Variants in ETV1 observed in about 807,000 individuals in gnomAD.
ETV1 encodes ETS translocation variant 1.
In ETV1, 27 loss-of-function variants were observed where a neutral mutation model predicts 62.3. The observed-to-expected ratio is 0.43, with a 90% CI of 0.32 to 0.60. The LOEUF (loss-of-function observed/expected upper bound fraction) is 0.60. Ranked by LOEUF, ETV1 falls within the 20% of genes least tolerant of loss-of-function variation. The pLI is 0.06. For synonymous variants in ETV1, 222 were observed against 199.6 expected (o/e 1.11, Z -0.94); for missense variants, 605 against 605.8 (o/e 1.00, Z 0.01).
intron 9 of ETV1, among the ~76,000 whole-genome samples, chr7:13,925,442 C>T (rs1785297220): frequency 6.6e-6 from 1 of 152,202 alleles, no homozygotes; most frequent in African/African-American, 2.4e-5. Flanking sequence ...CAGTACTAGA[C>T]ACAAACCAAT....
chr7:13,916,512 C>T (rs1380731042), intron 9 of ETV1, among the ~76,000 whole-genome samples: 1 of 151,994 alleles, frequency 6.6e-6, no homozygotes, highest in Non-Finnish European at 1.5e-5. Flanking sequence ...GTGGCGCGTG[C>T]CTGTCATCCC....
intron 6 of ETV1, among the ~76,000 whole-genome samples, chr7:13,940,813 A>C (rs1787416639): frequency 6.6e-6 from 1 of 152,196 alleles, no homozygotes; most frequent in South Asian, 2.1e-4. Context: ...CAAACTACCA[A>C]GCTTCAGGAA....
chr7:13,934,402 A>G (rs937551956), intron 8 of ETV1, among the ~76,000 whole-genome samples: 1 of 152,206 alleles, frequency 6.6e-6, no homozygotes, highest in Non-Finnish European at 1.5e-5. Flanking sequence ...AAAAACCTAT[A>G]AAAAGCACAT....
chr7:13,984,562 A>C (rs1186087854), intron 5 of ETV1, among the ~76,000 whole-genome samples: 1 of 152,052 alleles, frequency 6.6e-6, no homozygotes, highest in Non-Finnish European at 1.5e-5. Context: ...ACAACTTTTT[A>C]CTTACATCGT....
At chr7:13,904,826 T>A (rs1391395884) in intron 12 of ETV1, among the ~76,000 whole-genome samples, 2 of 151,834 alleles carry the variant, frequency 1.3e-5, no homozygotes, top group African/African-American at 4.8e-5. Context: ...CTAGTCTCAA[T>A]TTGTTAGTGC....
chr7:13,909,867 A>G (rs1361851832), intron 10 of ETV1, among the ~76,000 whole-genome samples, 167 bp from the exon 11 acceptor site: 2 of 152,146 alleles, frequency 1.3e-5, no homozygotes, highest in East Asian at 1.9e-4. Flanking sequence ...CAGTTTCCTC[A>G]TCTATTAAAT....
rs1786753878 is a variant in ETV1 at position 13,935,871 on chromosome 7, C to T, written c.391G>A (p.Gly131Arg). 6.2e-7 allele frequency: 1 copy of T among 1,613,438 alleles called. No homozygotes were observed. The highest frequency in any genetic ancestry group is 8.5e-7 in the Non-Finnish European group (1 of 1,179,652). ...VSAYDQKPQV[G>R]MRPSNPPTPS... ...GTGGGGGGGTTGGAGGGCCTCATTCCCACTTGTGGCTTCTGATCATAGGCA... is the reference window on the plus strand; with the variant it reads ...GTGGGGGGGTTGGAGGGCCTCATTCTCACTTGTGGCTTCTGATCATAGGCA... Residue 131 changes from glycine (G) to arginine (R), a missense_variant, in exon 8 of 14, where the codon GGA becomes AGA. This residue lies in a region of ETV1 where 426 missense variants were observed against 377.8 expected (regional missense o/e 1.13). Transcript: ENST00000430479.
At chr7:13,957,477 G>C (rs948866717) in intron 6 of ETV1, among the ~76,000 whole-genome samples, 5 of 152,150 alleles carry the variant, frequency 3.3e-5, no homozygotes, top group African/African-American at 1.2e-4. Context: ...CAATTATAGG[G>C]ATAATCATTT....
rs749912285 is a variant in ETV1, at chr7:13,988,081, C to G, written c.133+5G>C. The G allele has an allele frequency of 1.9e-6, 3 of 1,596,498 alleles. No individual in the cohort carries two copies. The highest frequency in any genetic ancestry group is 2.6e-6 in the Non-Finnish European group (3 of 1,164,190). ...ATGGGGATTCAGCCCAAAATCAAAC[C>G]TCACCTTCTGAATCATGAGCCAGAT... On this transcript the variant is annotated splice_donor_5th_base_variant and intron_variant, in intron 4 of 13. Coordinates refer to ENST00000430479, the MANE Select transcript of ETV1 (RefSeq NM_004956.5).
chr7:13,952,333 A>C (rs1159842727), intron 6 of ETV1, among the ~76,000 whole-genome samples: 1 of 152,200 alleles, frequency 6.6e-6, no homozygotes, highest in Non-Finnish European at 1.5e-5. Context: ...TACTGATGTA[A>C]GAGAGAAGAG....
Position 13,962,009 on chromosome 7 carries a change from A to C in ETV1, c.235+15418T>G, listed in dbSNP as rs1241595686. ...TTTATGAGTATGAAGAAAAACACAAAAAGTTAAGTTGATCAGAAATGAATG... is the reference window on the plus strand; with the variant it reads ...TTTATGAGTATGAAGAAAAACACAACAAGTTAAGTTGATCAGAAATGAATG... On this transcript the variant is annotated intron_variant, in intron 6 of 13. Coordinates refer to ENST00000430479, the MANE Select transcript of ETV1 (RefSeq NM_004956.5). Among the ~76,000 whole-genome samples, 7 of 152,084 alleles carry C rather than the reference A, an allele frequency of 4.6e-5. 1 individual carries two copies. The South Asian group carries it at 1.4e-3, about 31-fold the overall frequency.
Position 13,892,507 on chromosome 7 carries a change from G to T in ETV1, c.*3359C>A, listed in dbSNP as rs1781450125. On this transcript the variant is annotated 3_prime_UTR_variant, in exon 14 of 14. Coordinates refer to ENST00000430479, the MANE Select transcript of ETV1 (RefSeq NM_004956.5). ...CCTGAGTAAATCAATTAGAGTCTTT[G>T]CTACACAGTCTTCCTCCTCCGTGCG... The T allele has an allele frequency of 4.3e-6, 1 of 232,818 alleles. No individual in the cohort carries two copies. Among genetic ancestry groups the T allele is most frequent in the Admixed American group, 5.6e-5 (1 of 17,750 alleles). The allele number at this position is 232,818 out of a possible 1,614,324, so 14.4% of individuals were successfully genotyped here. A position where few individuals can be genotyped will look rare whatever the true frequency, so the allele number is the denominator to read the frequency against.
In ETV1 at chr7:13,895,940, C is replaced by G. The variant is rs770880512; in HGVS notation, c.1360G>C (p.Asp454His). 2 of 1,613,644 alleles carry G rather than the reference C, an allele frequency of 1.2e-6. No individual in the cohort carries two copies. The highest frequency in any genetic ancestry group is 2.7e-5 in the African/African-American group (2 of 74,926). ...EEDTVPLSHF[D>H]ESMAYMPEGG... is the part of the protein sequence containing the mutation. ...TCCGGCATGTAGGCCATGCTCTCAT[C>G]AAAGTGAGAAAGAGGCACTGTGTCC... Residue 454 changes from aspartate to histidine, a missense_variant, in exon 14 of 14, where the codon GAT (aspartate) becomes CAT (histidine). Physicochemically the swap from Asp to His is moderately conservative, Grantham distance 81 (BLOSUM62 -1). Coordinates refer to ENST00000430479, the MANE Select transcript of ETV1 (RefSeq NM_004956.5).
intron 13 of ETV1, 110 bp downstream of exon 13, chr7:13,900,628 A>G: frequency 1.4e-6 from 1 of 728,206 alleles, no homozygotes. Context: ...ATTTGTTAAA[A>G]TGAGTGAAAA....
chr7:13,911,029 T>A (rs1783503529), intron 10 of ETV1, among the ~76,000 whole-genome samples: 1 of 152,216 alleles, frequency 6.6e-6, no homozygotes, highest in South Asian at 2.1e-4. Flanking sequence ...CACTTTTCAG[T>A]TGTTTCTACG....
upstream of ETV1, chr7:13,990,838 T>C (rs1398904662): frequency 6.6e-6 from 1 of 152,202 alleles, no homozygotes; most frequent in Non-Finnish European, 1.5e-5. Flanking sequence ...CAAAAGACGT[T>C]TCCGGCAGCT....
chr7:13,990,948 G>C (rs3757487), upstream of ETV1, among the ~76,000 whole-genome samples: 11 of 152,102 alleles, frequency 7.2e-5, no homozygotes, highest in Non-Finnish European at 2.9e-5. Context: ...TGGAGTGTAA[G>C]AGCGCACAGC....
intron 9 of ETV1, among the ~76,000 whole-genome samples, chr7:13,930,994 G>T (rs1786071537): frequency 6.6e-6 from 1 of 151,664 alleles, no homozygotes; most frequent in East Asian, 2.0e-4. Flanking sequence ...TAGAGATGGG[G>T]TTTCACCGTG....
intron 9 of ETV1, among the ~76,000 whole-genome samples, chr7:13,912,479 G>A (rs1859507): frequency 0.039 from 5,976 of 152,028 alleles, 153 homozygotes; most frequent in Non-Finnish European, 0.06. Context: ...TCTAATCTAT[G>A]ATATTTAAGA....
Sources: allele counts gnomAD v4.1 joint callset (sites outside exome capture counted in the v4.1 genomes callset), GRCh38; gene constraint gnomAD v4.1.1; regional missense constraint gnomAD v4.1.1; transcripts MANE v1.5; gene names NCBI Gene and HGNC (gene_info 2026-07-23, HGNC 2026-07-21).